The following NDST4 variants were observed in gnomAD, a reference collection of about 807,000 sequenced individuals.
NDST4 encodes N-deacetylase and N-sulfotransferase 4, also known as N-heparan sulfate sulfotransferase 4.
NDST4 carries 63 observed loss-of-function variants against 100.8 expected under a neutral mutation model. That is an observed-to-expected ratio of 0.62 (90% CI 0.51 to 0.77). The LOEUF (loss-of-function observed/expected upper bound fraction) is 0.77, where lower values mean the gene tolerates loss of function less well. Ranked by LOEUF, NDST4 falls within the 30% of genes least tolerant of loss-of-function variation. NDST4 has a pLI of 0.00. For synonymous variants in NDST4, 377 were observed against 361.8 expected, an observed-to-expected ratio of 1.04 and a Z score of -0.48; for missense variants, 943 against 1,018.4, an observed-to-expected ratio of 0.93 and a Z score of 1.01.
At chr4:115,028,151 A>G (rs1475064496) in intron 2 of NDST4, among the ~76,000 whole-genome samples, 1 of 152,164 alleles carries the variant, frequency 6.6e-6, no homozygotes, top group African/African-American at 2.4e-5. Context: ...AGAATGGTAT[A>G]CATTCAAGGA....
intron 2 of NDST4, 127 bp from the exon 3 acceptor site, chr4:114,977,401 T>C: frequency 1.9e-6 from 1 of 517,922 alleles, no homozygotes; most frequent in Non-Finnish European, 3.4e-6. Context: ...TGATGGGTAC[T>C]GTTATGTAGT....
intron 4 of NDST4, among the ~76,000 whole-genome samples, chr4:114,970,197 T>G (rs1726478949): frequency 6.7e-6 from 1 of 150,202 alleles, no homozygotes; most frequent in Non-Finnish European, 1.5e-5. Context: ...TTTCTGAAAA[T>G]AACTTACTTT....
intron 4 of NDST4, among the ~76,000 whole-genome samples, chr4:114,966,890 T>C: frequency 6.6e-6 from 1 of 152,072 alleles, no homozygotes; most frequent in East Asian, 1.9e-4. Flanking sequence ...ATCTAAAAAC[T>C]TTGTAGTTTA....
chr4:115,094,182 A>G (rs1046450225), intron 1 of NDST4, among the ~76,000 whole-genome samples: 6 of 152,018 alleles, frequency 3.9e-5, no homozygotes, highest in African/African-American at 1.4e-4. Context: ...ACATGTACAA[A>G]GTTCCTATAA....
At chr4:114,905,220 A>G (rs183921910) in intron 6 of NDST4, among the ~76,000 whole-genome samples, 194 of 151,446 alleles carry the variant, frequency 1.3e-3, no homozygotes, top group African/African-American at 1.3e-3. Flanking sequence ...AAATCCCTAA[A>G]TTATGTATTC....
rs529394203 is a variant in NDST4, at chr4:114,969,170, C to T, written c.1221+1260G>A. On this transcript the variant is annotated intron_variant, in intron 4 of 13. Coordinates refer to ENST00000264363, the MANE Select transcript of NDST4 (RefSeq NM_022569.3). Reference sequence around the variant, plus strand: ...CTACTAAAAATACAAAAAAATTAGCCGGGCGTAGTGGCGGGCGCCTGTAGT... The same window carrying T: ...CTACTAAAAATACAAAAAAATTAGCTGGGCGTAGTGGCGGGCGCCTGTAGT... Among the ~76,000 whole-genome samples the T allele has an allele frequency of 2.2e-3, 336 of 151,684 alleles. 2 individuals carry two copies. The highest frequency in any genetic ancestry group is 7.4e-3 in the African/African-American group (308 of 41,404).
At chr4:115,041,119 G>T (rs1377507879) in intron 2 of NDST4, among the ~76,000 whole-genome samples, 1 of 151,994 alleles carries the variant, frequency 6.6e-6, no homozygotes, top group Non-Finnish European at 1.5e-5. Context: ...ATGAATTAAT[G>T]CATAGAGGCA....
At chr4:115,025,105 C>CG (rs1439804115) in intron 2 of NDST4, among the ~76,000 whole-genome samples, 3 of 152,130 alleles carry the variant, frequency 2.0e-5, no homozygotes, top group Non-Finnish European at 4.4e-5. Flanking sequence ...TATAAATTAC[C>CG]GAGTCTTGTT....
chr4:114,869,207 T>C (rs1345190459), intron 7 of NDST4, among the ~76,000 whole-genome samples: 6 of 151,634 alleles, frequency 4.0e-5, no homozygotes, highest in Admixed American at 3.3e-4. Flanking sequence ...CAATTCTTTA[T>C]CTTAAAAATT....
chr4:114,873,217 A>T (rs1007217125), intron 6 of NDST4, among the ~76,000 whole-genome samples: 1 of 151,668 alleles, frequency 6.6e-6, no homozygotes, highest in African/African-American at 2.4e-5. Context: ...CAAATCTTTT[A>T]TTTGAAACAT....
chr4:114,970,666 T>C, intron 3 of NDST4, 82 bp from the exon 4 acceptor site: 1 of 1,215,380 alleles, frequency 8.2e-7, no homozygotes, highest in Non-Finnish European at 1.1e-6. Context: ...TTATGTTAAT[T>C]TTTCATGCTG....
At chr4:114,945,678 C>T (rs1449815209) in intron 4 of NDST4, among the ~76,000 whole-genome samples, 1 of 152,164 alleles carries the variant, frequency 6.6e-6, no homozygotes, top group East Asian at 1.9e-4. Context: ...CCTAAATGCA[C>T]AACTTCTAGG....
chr4:115,106,072 C>A (rs1222117857), intron 1 of NDST4, among the ~76,000 whole-genome samples: 2 of 152,096 alleles, frequency 1.3e-5, no homozygotes. Flanking sequence ...GACACACACA[C>A]AGCAATTACA....
intron 1 of NDST4, among the ~76,000 whole-genome samples, chr4:115,094,364 T>C (rs1280593872): frequency 1.3e-5 from 2 of 152,086 alleles, no homozygotes; most frequent in Non-Finnish European, 2.9e-5. Context: ...CACAATCTGT[T>C]GTCAGAGAAA....
intron 4 of NDST4, among the ~76,000 whole-genome samples, chr4:114,955,011 T>C (rs1265825931): frequency 6.6e-6 from 1 of 152,162 alleles, no homozygotes; most frequent in African/African-American, 2.4e-5. Flanking sequence ...CTGCTATGCT[T>C]CTTATAAAGC....
intron 2 of NDST4, among the ~76,000 whole-genome samples, chr4:114,982,371 G>A (rs1726797007): frequency 6.6e-6 from 1 of 152,262 alleles, no homozygotes; most frequent in Middle Eastern, 3.4e-3. Context: ...GGAACTTATT[G>A]GAAACTAGAG....
At chr4:115,028,440 G>C (rs917796768) in intron 2 of NDST4, among the ~76,000 whole-genome samples, 6 of 152,016 alleles carry the variant, frequency 3.9e-5, no homozygotes, top group African/African-American at 7.2e-5. Flanking sequence ...TGTGATTGCT[G>C]AAACTCTGTC....
chr4:114,965,990 G>A (rs1400594330), intron 4 of NDST4, among the ~76,000 whole-genome samples: 2 of 151,848 alleles, frequency 1.3e-5, no homozygotes, highest in Non-Finnish European at 2.9e-5. Context: ...ACGTACTCAA[G>A]CAACTGAATA....
chr4:114,935,284 T>C lies in NDST4; in HGVS notation c.1458A>G (p.Lys486=). Residue 486 remains lysine, a synonymous_variant, in exon 6 of 14, where the codon AAA becomes AAG. Transcript: ENST00000264363. ...CGLFTHTIFY[K]EYPGGPQELD... Reference sequence around the variant, plus strand: ...GTTCTTGGGGTCCTCCTGGATATTCTTTGTAGAAAATAGTGTGAGTGAACA... The same window carrying C: ...GTTCTTGGGGTCCTCCTGGATATTCCTTGTAGAAAATAGTGTGAGTGAACA... The C allele has an allele frequency of 1.2e-6, 2 of 1,611,026 alleles. No individual in the cohort carries two copies. The highest frequency in any genetic ancestry group is 1.7e-6 in the Non-Finnish European group (2 of 1,178,676).
Sources: allele counts gnomAD v4.1 joint callset (sites outside exome capture counted in the v4.1 genomes callset), GRCh38; gene constraint gnomAD v4.1.1; transcripts MANE v1.5; gene names NCBI Gene and HGNC (gene_info 2026-07-23, HGNC 2026-07-21).